PPP1R14C: variants seen among roughly 807,000 people sequenced by gnomAD.
PPP1R14C encodes the protein protein phosphatase 1 regulatory inhibitor subunit 14C.
PPP1R14C carries 16 observed loss-of-function variants against 20.4 expected under a neutral mutation model. That is an observed-to-expected ratio of 0.78 (90% CI 0.53 to 1.19). PPP1R14C has a LOEUF of 1.19. Ranked by LOEUF, PPP1R14C falls within the 50% of genes most tolerant of loss-of-function variation. The pLI, the probability that PPP1R14C is intolerant of heterozygous loss-of-function variation, is 0.00. For synonymous variants in PPP1R14C, 91 were observed against 91.0 expected (o/e 1.00, Z 0.00); for missense variants, 211 against 220.1 (o/e 0.96, Z 0.26).
rs779657698 is a variant in PPP1R14C, at chr6:150,161,191, A to G, written c.306+17693A>G. Among the ~76,000 whole-genome samples, 20 of 152,080 alleles carry G rather than the reference A, an allele frequency of 1.3e-4. 1 individual carries two copies. The highest frequency in any genetic ancestry group is 1.2e-3 in the Admixed American group (19 of 15,266). ...GCTACTCGGGAGGCTGAGACAGGAGAATCGCTTGAACCCAGGAGGCAGAGG... is the reference window on the plus strand; with the variant it reads ...GCTACTCGGGAGGCTGAGACAGGAGGATCGCTTGAACCCAGGAGGCAGAGG... On this transcript the variant is annotated intron_variant, in intron 1 of 3. Transcript: ENST00000361131.
chr6:150,248,797 C>T lies in PPP1R14C; in HGVS notation c.475C>T (p.Pro159Ser). The T allele has an allele frequency of 4.3e-6, 7 of 1,612,690 alleles. No individual in the cohort carries two copies. Among genetic ancestry groups the T allele is most frequent in the Non-Finnish European group, 5.1e-6 (6 of 1,178,830 alleles). Residue 159 changes from proline (P) to serine (S), a missense_variant, in exon 4 of 4, where the codon CCT (proline) becomes TCT (serine). Physicochemically the swap from Pro to Ser is moderately conservative, Grantham distance 74 (BLOSUM62 -1). Coordinates refer to ENST00000361131, the MANE Select transcript of PPP1R14C (RefSeq NM_030949.3). ...GATAAGAGGCATGAGGAAACTGAGC[C>T]CTCCGCAGAAGAAGAGTGTATGATT... ...SRIRGMRKLS[P>S]PQKKSV
chr6:150,236,638 T>C (rs11757597), intron 3 of PPP1R14C, among the ~76,000 whole-genome samples: 19 of 142,158 alleles, frequency 1.3e-4, no homozygotes, highest in South Asian at 2.2e-4. Flanking sequence ...TGTGTGTGTG[T>C]GCGCGTGTGT....
chr6:150,216,967 T>C, intron 3 of PPP1R14C, 111 bp downstream of exon 3: 1 of 747,640 alleles, frequency 1.3e-6, no homozygotes, highest in Non-Finnish European at 2.3e-6. Context: ...TGTATACCAA[T>C]TAGCAATTAT....
chr6:150,159,093 T>C (rs1439561496), intron 1 of PPP1R14C, among the ~76,000 whole-genome samples: 3 of 152,114 alleles, frequency 2.0e-5, no homozygotes, highest in Non-Finnish European at 2.9e-5. Context: ...AAAAGGAAGA[T>C]TGAATCACTC....
At chr6:150,219,682 G>A (rs970407277) in intron 3 of PPP1R14C, among the ~76,000 whole-genome samples, 1 of 152,096 alleles carries the variant, frequency 6.6e-6, no homozygotes, top group Admixed American at 6.5e-5. Context: ...ATCTGGAGAA[G>A]TTTTTCTTTG....
intron 1 of PPP1R14C, chr6:150,196,035 C>T (rs545787837): frequency 1.0e-6 from 1 of 985,366 alleles, no homozygotes; most frequent in East Asian, 1.1e-4. Context: ...CTGGGATTCT[C>T]CTCTCTTGTG....
Position 150,143,520 on chromosome 6 carries a change from A to C in PPP1R14C, c.306+22A>C. On this transcript the variant is annotated intron_variant, in intron 1 of 3. Coordinates refer to ENST00000361131, the MANE Select transcript of PPP1R14C (RefSeq NM_030949.3). The surrounding 1 kb of genome is among the most constrained non-coding windows in gnomAD (Gnocchi z 5.6). ...CGAGGTACCTGGGCGCGGGGCTGGGAGGGTCGGGGACCTCTCTAGCTCCTC... is the reference window on the plus strand; with the variant it reads ...CGAGGTACCTGGGCGCGGGGCTGGGCGGGTCGGGGACCTCTCTAGCTCCTC... The C allele has an allele frequency of 1.1e-4, 69 of 645,540 alleles. No homozygotes were observed. The highest frequency in any genetic ancestry group is 1.6e-4 in the Non-Finnish European group (60 of 375,030). The allele number at this position is 645,540 out of a possible 1,614,324, so 40.0% of individuals were successfully genotyped here. A position where few individuals can be genotyped will look rare whatever the true frequency, so the allele number is the denominator to read the frequency against.
intron 1 of PPP1R14C, among the ~76,000 whole-genome samples, chr6:150,182,839 G>T (rs1274153444): frequency 6.6e-6 from 1 of 152,102 alleles, no homozygotes; most frequent in Admixed American, 6.6e-5. Context: ...AACTACACAC[G>T]CCTAGATGGT....
At chr6:150,239,796 T>C (rs762302953) in intron 3 of PPP1R14C, among the ~76,000 whole-genome samples, 2 of 152,208 alleles carry the variant, frequency 1.3e-5, no homozygotes, top group African/African-American at 4.8e-5. Flanking sequence ...TACACGCCTG[T>C]AATCCCAGCA....
At position 150,197,823 on chromosome 6, in the gene PPP1R14C, C is replaced by T. The variant is rs113594307; in HGVS notation, c.307-16921C>T. Among the ~76,000 whole-genome samples, 488 of 137,910 alleles carry T rather than the reference C, an allele frequency of 3.5e-3. 7 individuals carry two copies. Among genetic ancestry groups the T allele is most frequent in the African/African-American group, 0.013 (461 of 34,980 alleles). The allele number at this position is 137,910 out of a possible 152,430, so 90.5% of individuals were successfully genotyped here. A position where few individuals can be genotyped will look rare whatever the true frequency, so the allele number is the denominator to read the frequency against. ...CGGCTTTGTGTGCCCCTGCCCTTCA[C>T]GGTGGAGGAGGGCCTGGATGCCCGG... On this transcript the variant is annotated intron_variant, in intron 1 of 3. Coordinates refer to ENST00000361131, the MANE Select transcript of PPP1R14C (RefSeq NM_030949.3).
intron 1 of PPP1R14C, among the ~76,000 whole-genome samples, chr6:150,167,423 G>A (rs1253513994): frequency 6.6e-6 from 1 of 152,132 alleles, no homozygotes; most frequent in African/African-American, 2.4e-5. Flanking sequence ...AAAGAGATAC[G>A]ATATTTTGGG....
intron 1 of PPP1R14C, among the ~76,000 whole-genome samples, chr6:150,146,444 T>C (rs1439679301): frequency 6.6e-6 from 1 of 152,252 alleles, no homozygotes. Context: ...TCTTGACAGC[T>C]ACATCTTCAT....
chr6:150,236,057 A>G (rs1018397084), intron 3 of PPP1R14C, among the ~76,000 whole-genome samples: 2 of 152,186 alleles, frequency 1.3e-5, no homozygotes, highest in African/African-American at 2.4e-5. Flanking sequence ...GCATGGTGCA[A>G]AGGGAATTGT....
rs375694453 is a variant in PPP1R14C, at chr6:150,209,296, T to C, written c.307-5448T>C. 4.6e-5 allele frequency among the ~76,000 whole-genome samples: 7 copies of C among 152,376 alleles called. No homozygotes were observed. In the East Asian group the frequency reaches 9.6e-4, roughly 21 times the overall value. ...TTCAGGTGAGGTTTTAGCTTGAACA[T>C]TCCTGCCTGCTCCCTTCACTGCTGT... On this transcript the variant is annotated intron_variant, in intron 1 of 3. Transcript: ENST00000361131.
At chr6:150,217,778 G>A (rs1328531451) in intron 3 of PPP1R14C, among the ~76,000 whole-genome samples, 2 of 152,158 alleles carry the variant, frequency 1.3e-5, no homozygotes, top group Non-Finnish European at 2.9e-5. Flanking sequence ...TCCGTCAGAT[G>A]TTTTGAAGTC....
intron 1 of PPP1R14C, chr6:150,196,235 A>G: frequency 1.8e-6 from 1 of 545,886 alleles, no homozygotes; most frequent in African/African-American, 2.1e-5. Context: ...CTGGGCAACA[A>G]TAAATCTTCA....
At chr6:150,196,870 A>G (rs941234992) in intron 1 of PPP1R14C, among the ~76,000 whole-genome samples, 8 of 152,262 alleles carry the variant, frequency 5.3e-5, no homozygotes, top group Non-Finnish European at 8.8e-5. Context: ...AATTAATTGG[A>G]ATTTTATTCT....
intron 3 of PPP1R14C, among the ~76,000 whole-genome samples, chr6:150,219,934 A>G (rs1778146604): frequency 1.3e-5 from 2 of 151,952 alleles, no homozygotes; most frequent in Admixed American, 1.3e-4. Flanking sequence ...AGGCTCGCTG[A>G]AAAACCTGCC....
In PPP1R14C at chr6:150,143,079, G is replaced by T. The variant is rs567194678; in HGVS notation, c.-114G>T. The T allele has an allele frequency of 5.4e-6, 6 of 1,106,600 alleles. No individual in the cohort carries two copies. Among genetic ancestry groups the T allele is most frequent in the Non-Finnish European group, 6.6e-6 (6 of 912,862 alleles). The allele number at this position is 1,106,600 out of a possible 1,614,324, so 68.5% of individuals were successfully genotyped here. ...GGCGGCTGGGCGCGCGCGGCGCAGA[G>T]CAGGTGCCGGGGAGCCCTTCGCATG... On this transcript the variant is annotated 5_prime_UTR_variant, in exon 1 of 4. Coordinates refer to ENST00000361131, the MANE Select transcript of PPP1R14C (RefSeq NM_030949.3). This position sits in a 1 kb window ranked among gnomAD's most constrained non-coding sequence, Gnocchi z 5.6.
Sources: allele counts gnomAD v4.1 joint callset (sites outside exome capture counted in the v4.1 genomes callset), GRCh38; gene constraint gnomAD v4.1.1; non-coding constraint Gnocchi (gnomAD v3.1); transcripts MANE v1.5; gene names NCBI Gene and HGNC (gene_info 2026-07-23, HGNC 2026-07-21).